The following EXOC6 variants were observed in gnomAD, a reference collection of about 807,000 sequenced individuals.
The protein encoded by EXOC6 is exocyst complex component 6.
A neutral mutation model predicts 112.5 loss-of-function variants in EXOC6; 60 were observed. That is an observed-to-expected ratio of 0.53 (90% confidence interval 0.43 to 0.66). The LOEUF is 0.66. Among genes scored for constraint, EXOC6 ranks in the 30% least tolerant of loss-of-function variants. The pLI, the probability that EXOC6 is intolerant of heterozygous loss-of-function variation, is 0.00. For synonymous variants in EXOC6, 295 were observed against 308.0 expected, an observed-to-expected ratio of 0.96 and a Z score of 0.44; for missense variants, 855 against 957.1, an observed-to-expected ratio of 0.89 and a Z score of 1.41.
intron 17 of EXOC6, among the ~76,000 whole-genome samples, chr10:92,968,721 C>CT (rs1842167544): frequency 6.6e-6 from 1 of 152,154 alleles, no homozygotes. Flanking sequence ...GTGCCAATTA[C>CT]TGTTAGGTAC....
intron 8 of EXOC6, among the ~76,000 whole-genome samples, chr10:92,925,165 A>G (rs189502761): frequency 1.3e-5 from 2 of 152,306 alleles, no homozygotes; most frequent in East Asian, 3.9e-4. Context: ...ATTACATTGC[A>G]TTATTGTAAA....
At chr10:92,881,745 C>T (rs1848974600) in intron 1 of EXOC6, among the ~76,000 whole-genome samples, 1 of 152,174 alleles carries the variant, frequency 6.6e-6, no homozygotes, top group South Asian at 2.1e-4. Context: ...CCCCAATAGT[C>T]ATGAGATGGA....
intron 1 of EXOC6, among the ~76,000 whole-genome samples, chr10:92,863,688 G>A (rs1000190933): frequency 2.4e-4 from 37 of 152,008 alleles, no homozygotes; most frequent in East Asian, 7.8e-4. Context: ...CGAGGCAGGC[G>A]GATCACAAGG....
At chr10:92,940,918 AT>A in intron 13 of EXOC6, 94 bp downstream of exon 13, 2 of 827,068 alleles carry the variant, frequency 2.4e-6, no homozygotes, top group Non-Finnish European at 3.9e-6. Flanking sequence ...GCTTATAATC[AT>A]TTTTATTGTA....
At chr10:92,884,021 C>T (rs891627562) in intron 1 of EXOC6, among the ~76,000 whole-genome samples, 17 of 152,040 alleles carry the variant, frequency 1.1e-4, no homozygotes, top group Admixed American at 4.6e-4. Context: ...CTCAGCCTCC[C>T]GAATAGCTGG....
At position 92,894,857 on chromosome 10, in the gene EXOC6, T is replaced by G. The variant is rs1212294534; in HGVS notation, c.321+16T>G. 1.2e-6 allele frequency: 2 copies of G among 1,613,122 alleles called. No homozygotes were observed. The highest frequency in any genetic ancestry group is 1.7e-5 in the Admixed American group (1 of 59,946). Reference sequence around the variant, plus strand: ...TGGAAAAGAGGTGAGAAAATGATACTTTTCTGGGTATTCAGTATGTAGTTG... The same window carrying G: ...TGGAAAAGAGGTGAGAAAATGATACGTTTCTGGGTATTCAGTATGTAGTTG... On this transcript the variant is annotated intron_variant, in intron 3 of 21. Transcript: ENST00000260762.
intron 12 of EXOC6, among the ~76,000 whole-genome samples, chr10:92,936,973 C>T (rs1462368037): frequency 1.3e-5 from 2 of 152,026 alleles, no homozygotes; most frequent in Non-Finnish European, 2.9e-5. Flanking sequence ...ATCCTATTCC[C>T]CCCTGGATAT....
chr10:92,996,632 TAA>T (rs1843506318), intron 18 of EXOC6, among the ~76,000 whole-genome samples: 1 of 151,720 alleles, frequency 6.6e-6, no homozygotes, highest in East Asian at 1.9e-4. Context: ...TAATTTACAC[TAA>T]AAGTGATGTA....
chr10:92,832,408 G>A (rs1846516619), upstream of EXOC6, among the ~76,000 whole-genome samples: 1 of 152,120 alleles, frequency 6.6e-6, no homozygotes, highest in Admixed American at 6.5e-5. Flanking sequence ...CTCTGGAGTA[G>A]CTGGAATTAC....
At chr10:92,920,797 G>A (rs1851391710) in intron 8 of EXOC6, among the ~76,000 whole-genome samples, 1 of 151,966 alleles carries the variant, frequency 6.6e-6, no homozygotes, top group African/African-American at 2.4e-5. Flanking sequence ...GTTTATAATT[G>A]TTATGTCTTC....
intron 19 of EXOC6, among the ~76,000 whole-genome samples, chr10:93,006,042 C>A (rs1383839013): frequency 6.6e-6 from 1 of 152,042 alleles, no homozygotes; most frequent in Non-Finnish European, 1.5e-5. Flanking sequence ...CATGTGTAGT[C>A]CCAGCCACTC....
Position 92,893,420 on chromosome 10 carries a change from A to G in EXOC6, c.173A>G (p.His58Arg), listed in dbSNP as rs1464792088. Reference sequence around the variant, plus strand: ...AAGTTAGATGCTTGTATCCGTAATCATGACAAGGAAATTGAAAAGATGTGT... The same window carrying G: ...AAGTTAGATGCTTGTATCCGTAATCGTGACAAGGAAATTGAAAAGATGTGT... ...MEKLDACIRNHDKEIEKMCNF... is the reference protein window; with the variant it reads ...MEKLDACIRNRDKEIEKMCNF... The change falls in exon 2 of 22, where the codon CAT becomes CGT. Residue 58 changes from histidine to arginine, a missense_variant. His to Arg is a conservative substitution (Grantham distance 29). This residue lies in a region of EXOC6 where 405 missense variants were observed against 393.6 expected (regional missense o/e 1.03). Transcript: ENST00000260762. 8 of 1,613,322 alleles carry G rather than the reference A, an allele frequency of 5.0e-6. No homozygotes were observed. Among genetic ancestry groups the G allele is most frequent in the Non-Finnish European group, 6.8e-6 (8 of 1,179,520 alleles).
At chr10:93,011,056 T>C (rs967840523) in intron 19 of EXOC6, among the ~76,000 whole-genome samples, 1 of 152,154 alleles carries the variant, frequency 6.6e-6, no homozygotes, top group Admixed American at 6.5e-5. Flanking sequence ...ATATGTCTAA[T>C]TGAAATTGAG....
intron 8 of EXOC6, among the ~76,000 whole-genome samples, chr10:92,921,393 C>T (rs905232705): frequency 9.9e-5 from 15 of 151,240 alleles, no homozygotes; most frequent in South Asian, 4.2e-4. Context: ...TACAGGCACC[C>T]GCCACCATGG....
chr10:93,040,880 G>GC (rs1845733112), intron 20 of EXOC6, among the ~76,000 whole-genome samples: 1 of 151,994 alleles, frequency 6.6e-6, no homozygotes, highest in Admixed American at 6.6e-5. Context: ...CTCCTTTTCT[G>GC]CCCCCTAAAT....
At chr10:92,916,661 T>TC (rs1851108054) in intron 7 of EXOC6, among the ~76,000 whole-genome samples, 1 of 152,178 alleles carries the variant, frequency 6.6e-6, no homozygotes, top group Admixed American at 6.5e-5. Flanking sequence ...ACAATCTGTC[T>TC]CCCCGGTAAA....
At chr10:92,964,400 G>A (rs1841958521) in intron 17 of EXOC6, among the ~76,000 whole-genome samples, 1 of 151,998 alleles carries the variant, frequency 6.6e-6, no homozygotes, top group African/African-American at 2.4e-5. Context: ...GATGCTATAT[G>A]CAGTGTAACT....
intron 1 of EXOC6, among the ~76,000 whole-genome samples, chr10:92,861,484 A>G (rs2133682173): frequency 6.6e-6 from 1 of 152,258 alleles, no homozygotes; most frequent in East Asian, 1.9e-4. Flanking sequence ...GGGAGGATGA[A>G]GGAGGGCTGG....
chr10:92,932,520 A>G (rs971941101), intron 9 of EXOC6, among the ~76,000 whole-genome samples: 1 of 152,158 alleles, frequency 6.6e-6, no homozygotes, highest in African/African-American at 2.4e-5. Context: ...GAAAGAGGTT[A>G]TTTTCAAGTA....
Sources: allele counts gnomAD v4.1 joint callset (sites outside exome capture counted in the v4.1 genomes callset), GRCh38; gene constraint gnomAD v4.1.1; regional missense constraint gnomAD v4.1.1; transcripts MANE v1.5; gene names NCBI Gene and HGNC (gene_info 2026-07-23, HGNC 2026-07-21).